Variants in PTPRM observed in about 807,000 individuals in gnomAD.
The protein encoded by PTPRM is receptor-type tyrosine-protein phosphatase mu.
Under a neutral mutation model 186.7 loss-of-function variants are expected in PTPRM, and 47 were observed. That is an observed-to-expected ratio of 0.25 (90% CI 0.20 to 0.32). PTPRM has a LOEUF of 0.32. Among genes scored for constraint, PTPRM ranks in the 10% least tolerant of loss-of-function variants. The probability of loss-of-function intolerance (pLI) is 1.00; values close to 1 mark genes in which losing one functional copy is unlikely to be tolerated. For missense variants in PTPRM, 1,494 were observed against 1,865.0 expected, an observed-to-expected ratio of 0.80 and a Z score of 3.66; for synonymous variants, 668 against 674.9, an observed-to-expected ratio of 0.99 and a Z score of 0.16.
In PTPRM at chr18:8,085,733, A is replaced by G; in HGVS notation, c.1614A>G (p.Arg538=). ...PEIDLSNQSG[R]VSKLGNETHF... Reference sequence around the variant, plus strand: ...TAGATTTATCCAATCAGAGTGGAAGAGTTTCAAAGCTGGGAAATGAAACCC... The same window carrying G: ...TAGATTTATCCAATCAGAGTGGAAGGGTTTCAAAGCTGGGAAATGAAACCC... Residue 538 remains arginine, a synonymous_variant, in exon 10 of 33, where the codon AGA becomes AGG. Coordinates refer to ENST00000580170, the MANE Select transcript of PTPRM (RefSeq NM_001105244.2). 1.9e-6 allele frequency: 3 copies of G among 1,611,712 alleles called. No homozygotes were observed. In the South Asian group the frequency reaches 3.3e-5, roughly 18 times the overall value.
At chr18:7,817,194 T>C (rs1598866126) in intron 2 of PTPRM, among the ~76,000 whole-genome samples, 1 of 152,144 alleles carries the variant, frequency 6.6e-6, no homozygotes, top group Admixed American at 6.5e-5. Context: ...AGGCTGGTCT[T>C]GAACTCCTGA....
intron 14 of PTPRM, among the ~76,000 whole-genome samples, chr18:8,215,209 C>T (rs1009691758): frequency 4.6e-5 from 7 of 152,160 alleles, no homozygotes; most frequent in African/African-American, 1.7e-4. Context: ...CTTCATTCCA[C>T]ATAATACAAT....
chr18:7,573,437 C>T (rs553354798), intron 1 of PTPRM, among the ~76,000 whole-genome samples: 2 of 152,240 alleles, frequency 1.3e-5, no homozygotes, highest in East Asian at 1.9e-4. Flanking sequence ...CATCTGGAGG[C>T]CTCCTTTCAA....
chr18:8,379,239 A>T lies in PTPRM; in HGVS notation c.3685A>T (p.Lys1229Ter). The part of the protein sequence containing the change: ...SIALLPRNHE[K>*]NRCMDILPPD... ...CGCACTGTTGCCCCGGAACCATGAGAAAAACCGGTGCATGGACATCCTGCC... is the reference window on the plus strand; with the variant it reads ...CGCACTGTTGCCCCGGAACCATGAGTAAAACCGGTGCATGGACATCCTGCC... The change falls in exon 28 of 33, where the codon AAA becomes TAA. Residue 1229 changes from lysine (K) to a stop codon, truncating the protein, a stop_gained. Transcript: ENST00000580170. LOFTEE classifies it high-confidence loss of function. The T allele has an allele frequency of 6.2e-7, 1 of 1,614,074 alleles. No homozygotes were observed. The highest frequency in any genetic ancestry group is 8.5e-7 in the Non-Finnish European group (1 of 1,179,976).
chr18:7,825,596 T>C (rs2045442434), intron 2 of PTPRM, among the ~76,000 whole-genome samples: 1 of 152,084 alleles, frequency 6.6e-6, no homozygotes, highest in African/African-American at 2.4e-5. Flanking sequence ...ACTCTTAATT[T>C]ACAAGGAATA....
At chr18:8,106,469 T>C (rs546179041) in intron 11 of PTPRM, among the ~76,000 whole-genome samples, 1 of 152,330 alleles carries the variant, frequency 6.6e-6, no homozygotes, top group African/African-American at 2.4e-5. Flanking sequence ...GAAGAGATTT[T>C]AACGTAGAGA....
At chr18:7,904,897 TA>T (rs759787790) in intron 3 of PTPRM, among the ~76,000 whole-genome samples, 3 of 152,230 alleles carry the variant, frequency 2.0e-5, no homozygotes, top group Non-Finnish European at 2.9e-5. Context: ...GTGGATCTTT[TA>T]AATGATAGCC....
At chr18:8,012,768 G>C (rs2084618520) in intron 7 of PTPRM, among the ~76,000 whole-genome samples, 1 of 152,128 alleles carries the variant, frequency 6.6e-6, no homozygotes, top group Non-Finnish European at 1.5e-5. Context: ...TATTATCTTT[G>C]TCATTTTGTG....
At chr18:8,271,825 C>T (rs2094774929) in intron 19 of PTPRM, among the ~76,000 whole-genome samples, 1 of 151,838 alleles carries the variant, frequency 6.6e-6, no homozygotes. Flanking sequence ...TTTCTTTATC[C>T]CTTTTTCATA....
intron 22 of PTPRM, 60 bp from the exon 23 acceptor site, chr18:8,343,363 G>A (rs1325498511): frequency 1.3e-6 from 2 of 1,493,540 alleles, no homozygotes; most frequent in Non-Finnish European, 1.9e-6. Context: ...GTAAGCCCCG[G>A]AAATTTTCCA....
intron 7 of PTPRM, among the ~76,000 whole-genome samples, chr18:8,035,626 A>G (rs1360512608): frequency 6.6e-6 from 1 of 152,168 alleles, no homozygotes; most frequent in African/African-American, 2.4e-5. Context: ...CCGCAGATGC[A>G]GAAATTGCAG....
chr18:7,910,306 A>C (rs1363301879), intron 4 of PTPRM, among the ~76,000 whole-genome samples: 1 of 152,220 alleles, frequency 6.6e-6, no homozygotes. Context: ...TTACTGGTGG[A>C]GGGTGTCCAG....
intron 19 of PTPRM, among the ~76,000 whole-genome samples, chr18:8,277,976 A>G (rs971491276): frequency 1.3e-5 from 2 of 152,236 alleles, no homozygotes; most frequent in African/African-American, 2.4e-5. Flanking sequence ...GGAAAAACAT[A>G]AGCATATCCA....
intron 19 of PTPRM, among the ~76,000 whole-genome samples, chr18:8,262,348 T>G (rs1402235897): frequency 1.3e-5 from 2 of 152,246 alleles, no homozygotes; most frequent in Non-Finnish European, 2.9e-5. Context: ...CTGAAAACTA[T>G]GCCACGGATT....
chr18:7,842,240 G>T (rs192986768), intron 2 of PTPRM, among the ~76,000 whole-genome samples: 1 of 152,214 alleles, frequency 6.6e-6, no homozygotes, highest in Non-Finnish European at 1.5e-5. Context: ...GAACAATTAT[G>T]TGAGAACAAT....
At position 8,376,422 on chromosome 18, in the gene PTPRM, G is replaced by A. The variant is rs761114651; in HGVS notation, c.3327-40G>A. 2.5e-6 allele frequency: 4 copies of A among 1,613,518 alleles called. No individual in the cohort carries two copies. The East Asian group carries it at 6.7e-5, about 27-fold the overall frequency. On this transcript the variant is annotated intron_variant, in intron 25 of 32. Transcript: ENST00000580170. ...TTTAAAAAGCAGCAGCAGCAGTGTG[G>A]TCCTTCTTCCTCCACTGACAGACCC...
chr18:8,110,041 G>A (rs537675549), intron 11 of PTPRM, among the ~76,000 whole-genome samples: 2 of 152,180 alleles, frequency 1.3e-5, no homozygotes, highest in South Asian at 2.1e-4. Flanking sequence ...GCAAAGCATC[G>A]TTGTGACTAT....
At chr18:8,042,175 A>AT (rs149967396) in intron 7 of PTPRM, among the ~76,000 whole-genome samples, 3,483 of 152,220 alleles carry the variant, frequency 0.023, 126 homozygotes, top group African/African-American at 0.079. Flanking sequence ...ATACTGAGTG[A>AT]TTTTTTTCAT....
chr18:8,086,842 T>C (rs979437604), intron 10 of PTPRM, among the ~76,000 whole-genome samples: 1 of 152,176 alleles, frequency 6.6e-6, no homozygotes. Flanking sequence ...AGGGATAATT[T>C]TTTATTGTGT....
Sources: gnomAD v4.1 joint callset for allele counts (sites outside exome capture counted in the v4.1 genomes callset) on GRCh38, gnomAD v4.1.1 for gene constraint, MANE v1.5 for transcripts, NCBI Gene and HGNC (gene_info 2026-07-23, HGNC 2026-07-21) for gene names.